KHDRBS3: variants seen among roughly 807,000 people sequenced by gnomAD.
KHDRBS3 encodes KH domain-containing, RNA-binding, signal transduction-associated protein 3.
A neutral mutation model predicts 45.6 loss-of-function variants in KHDRBS3; 23 were observed. That is an observed-to-expected ratio of 0.50 (90% CI 0.36 to 0.72). The LOEUF is 0.72. KHDRBS3 is among the 30% of genes least tolerant of loss of function. The pLI is 0.00. For synonymous variants in KHDRBS3, 162 were observed against 156.5 expected (o/e 1.04, Z -0.26); for missense variants, 352 against 424.8 (o/e 0.83, Z 1.51).
At position 135,618,891 on chromosome 8, in the gene KHDRBS3, T is replaced by C. The variant is rs577165470; in HGVS notation, c.890+11854T>C. 1.7e-4 allele frequency among the ~76,000 whole-genome samples: 26 copies of C among 152,308 alleles called. No individual in the cohort carries two copies. The East Asian group carries it at 3.1e-3, about 18-fold the overall frequency. ...TTGGAATTTGTGATTGTGTTTTATGTGTCTGTCACTGCTGGGCATTTTGCT... is the reference window on the plus strand; with the variant it reads ...TTGGAATTTGTGATTGTGTTTTATGCGTCTGTCACTGCTGGGCATTTTGCT... On this transcript the variant is annotated intron_variant, in intron 7 of 8. Transcript: ENST00000355849.
rs554679186 is a variant in KHDRBS3 at position 135,652,743 on chromosome 8, G to A, written c.*118-3483G>A. ...CTGCCATCTTCGCAGCTCTACTATG[G>A]ACCCTCATCTTGCTCTATGAATTCT... is the stretch of plus-strand genomic sequence containing the variant. On this transcript the variant is annotated intron_variant and NMD_transcript_variant, in intron 4 of 4. Coordinates refer to the KHDRBS3 transcript ENST00000521461. 3.3e-5 allele frequency among the ~76,000 whole-genome samples: 5 copies of A among 152,256 alleles called. No individual in the cohort carries two copies. In the South Asian group the frequency reaches 1.0e-3, roughly 32 times the overall value.
At chr8:135,529,838 A>T (rs1385081347) in intron 2 of KHDRBS3, among the ~76,000 whole-genome samples, 1 of 152,098 alleles carries the variant, frequency 6.6e-6, no homozygotes, top group East Asian at 1.9e-4. Context: ...AGGCGGGCAG[A>T]TCACGAGGTC....
chr8:135,463,536 A>G (rs901649408), intron 1 of KHDRBS3, among the ~76,000 whole-genome samples: 1 of 152,120 alleles, frequency 6.6e-6, no homozygotes, highest in African/African-American at 2.4e-5. Flanking sequence ...TCAGATGTTT[A>G]TTTACTTTTA....
chr8:135,587,114 T>A (rs13263789), intron 6 of KHDRBS3, among the ~76,000 whole-genome samples: 3 of 152,104 alleles, frequency 2.0e-5, no homozygotes, highest in Admixed American at 6.5e-5. Context: ...ACTTGACAAT[T>A]CTCAGGTATT....
chr8:135,562,492 T>TC (rs1245593506), intron 5 of KHDRBS3, among the ~76,000 whole-genome samples: 2 of 152,210 alleles, frequency 1.3e-5, no homozygotes, highest in Non-Finnish European at 2.9e-5. Context: ...GAGCTGTTCC[T>TC]TAGAAGGTAT....
At chr8:135,458,068 A>T in intron 1 of KHDRBS3, 114 bp downstream of exon 1, 1 of 1,397,204 alleles carries the variant, frequency 7.2e-7, no homozygotes, top group Non-Finnish European at 9.3e-7. Flanking sequence ...GCGGAGACGG[A>T]GGCCCGGGTG....
At chr8:135,516,193 G>A (rs1586646220) in intron 1 of KHDRBS3, among the ~76,000 whole-genome samples, 1 of 152,308 alleles carries the variant, frequency 6.6e-6, no homozygotes, top group East Asian at 1.9e-4. Flanking sequence ...TAAAAATACA[G>A]TGCAAAAGAC....
At chr8:135,630,884 C>T (rs993927281) in intron 7 of KHDRBS3, among the ~76,000 whole-genome samples, 5 of 152,104 alleles carry the variant, frequency 3.3e-5, no homozygotes, top group African/African-American at 1.2e-4. Context: ...ACTATGAAGG[C>T]CTGGGACGTT....
intron 7 of KHDRBS3, among the ~76,000 whole-genome samples, chr8:135,613,036 TACTC>T (rs1412807032): frequency 6.6e-6 from 1 of 151,886 alleles, no homozygotes; most frequent in Non-Finnish European, 1.5e-5. Context: ...CTCTGGCACA[TACTC>T]ACTTATGGGT....
chr8:135,550,668 C>A (rs573919959), intron 4 of KHDRBS3, among the ~76,000 whole-genome samples: 156 of 151,964 alleles, frequency 1.0e-3, no homozygotes, highest in African/African-American at 3.6e-3. Context: ...AAATTGTCCA[C>A]CTTTGTTCTT....
intron 2 of KHDRBS3, among the ~76,000 whole-genome samples, chr8:135,528,745 G>C (rs1032631933): frequency 1.3e-5 from 2 of 152,176 alleles, no homozygotes; most frequent in Admixed American, 1.3e-4. Flanking sequence ...CCTGCATTTG[G>C]TGTGTGGTGG....
chr8:135,602,564 C>T (rs1011095433), intron 6 of KHDRBS3, among the ~76,000 whole-genome samples: 3 of 139,744 alleles, frequency 2.1e-5, no homozygotes, highest in Non-Finnish European at 4.8e-5. Flanking sequence ...CAGTATACTG[C>T]TTAATATTTT....
chr8:135,486,297 T>G (rs1167044696), intron 1 of KHDRBS3, among the ~76,000 whole-genome samples: 1 of 152,190 alleles, frequency 6.6e-6, no homozygotes, highest in Non-Finnish European at 1.5e-5. Flanking sequence ...TTCCAGATAG[T>G]CAAAACAGTA....
chr8:135,617,579 G>C (rs1038038582), intron 7 of KHDRBS3, among the ~76,000 whole-genome samples: 6 of 152,058 alleles, frequency 3.9e-5, no homozygotes, highest in Non-Finnish European at 8.8e-5. Flanking sequence ...CACCCAGCCA[G>C]TAGCTACTAT....
chr8:135,484,078 A>G (rs1385979624), intron 1 of KHDRBS3, among the ~76,000 whole-genome samples: 1 of 152,170 alleles, frequency 6.6e-6, no homozygotes. Context: ...ACATTTCCTC[A>G]GTAAATTAGA....
chr8:135,645,082 G>A lies in KHDRBS3; in HGVS notation c.914G>A (p.Gly305Glu), dbSNP rs769326440. The stretch of plus-strand genomic sequence containing the variant: ...AGTGGTGCTGATTACTATGATTACG[G>A]ACATGGACTCAGTGAGGAGACTTAT... Reference protein sequence around the residue: ...AQSGADYYDYGHGLSEETYDS... With the variant: ...AQSGADYYDYEHGLSEETYDS... The change falls in exon 8 of 9, where the codon GGA (glycine) becomes GAA (glutamate). Residue 305 changes from glycine to glutamate, a missense_variant. By Grantham distance (98) the Gly-to-Glu change is moderately conservative. Coordinates refer to ENST00000355849, the MANE Select transcript of KHDRBS3 (RefSeq NM_006558.3). The A allele has an allele frequency of 1.2e-6, 2 of 1,613,568 alleles. No individual in the cohort carries two copies. Among genetic ancestry groups the A allele is most frequent in the South Asian group, 2.2e-5 (2 of 91,060 alleles).
chr8:135,472,691 CG>C (rs1822074634), intron 1 of KHDRBS3, among the ~76,000 whole-genome samples: 1 of 152,114 alleles, frequency 6.6e-6, no homozygotes. Flanking sequence ...AGGAGAATGG[CG>C]TGCTCAGCTC....
At chr8:135,594,579 A>T (rs1828891216) in intron 6 of KHDRBS3, among the ~76,000 whole-genome samples, 1 of 152,246 alleles carries the variant, frequency 6.6e-6, no homozygotes, top group Non-Finnish European at 1.5e-5. Flanking sequence ...AAGGTGATAA[A>T]TAATTTGTTT....
intron 1 of KHDRBS3, among the ~76,000 whole-genome samples, chr8:135,474,199 T>C (rs1377227776): frequency 6.6e-6 from 1 of 152,176 alleles, no homozygotes; most frequent in Non-Finnish European, 1.5e-5. Flanking sequence ...CTTTATAAAC[T>C]TTCCTAAGTA....
Sources: allele counts gnomAD v4.1 joint callset (sites outside exome capture counted in the v4.1 genomes callset), GRCh38; gene constraint gnomAD v4.1.1; transcripts MANE v1.5; gene names NCBI Gene and HGNC (gene_info 2026-07-23, HGNC 2026-07-21).